PTPRT: variants seen among roughly 807,000 people sequenced by gnomAD.
PTPRT encodes protein tyrosine phosphatase receptor type T.
Under a neutral mutation model 176.8 loss-of-function variants are expected in PTPRT, and 56 were observed. The ratio of observed to expected loss-of-function variants is 0.32; its 90% CI spans 0.26 to 0.40. The LOEUF (loss-of-function observed/expected upper bound fraction) is 0.40. PTPRT is among the 10% of genes least tolerant of loss of function. The pLI is 1.00. For synonymous variants in PTPRT, 783 were observed against 739.0 expected, an observed-to-expected ratio of 1.06 and a Z score of -0.96; for missense variants, 1,540 against 1,908.2, an observed-to-expected ratio of 0.81 and a Z score of 3.60.
At chr20:42,384,919 C>T (rs187451151) in intron 9 of PTPRT, among the ~76,000 whole-genome samples, 7 of 152,276 alleles carry the variant, frequency 4.6e-5, no homozygotes, top group African/African-American at 1.7e-4. Context: ...TCTTTGCCCC[C>T]TTTCCAATCA....
At chr20:42,928,356 G>A (rs1433579321) in intron 1 of PTPRT, among the ~76,000 whole-genome samples, 1 of 152,234 alleles carries the variant, frequency 6.6e-6, no homozygotes, top group Non-Finnish European at 1.5e-5. Flanking sequence ...GGAGGACACA[G>A]TCCAGACAGG....
At chr20:42,062,114 T>C in the PTPRT span, among the ~76,000 whole-genome samples, 2 of 152,118 alleles carry the variant, frequency 1.3e-5, no homozygotes, top group Non-Finnish European at 2.9e-5. Flanking sequence ...GCCCCCAGGA[T>C]TGTTCTTCCT....
chr20:43,112,666 T>C (rs1304004296), intron 1 of PTPRT, among the ~76,000 whole-genome samples: 1 of 152,204 alleles, frequency 6.6e-6, no homozygotes, highest in African/African-American at 2.4e-5. Context: ...TTTGAATGAA[T>C]CTGCCCGGCT....
In PTPRT at chr20:42,074,955, G is replaced by T; in HGVS notation, c.*5924C>A. On this transcript the variant is annotated 3_prime_UTR_variant, in exon 31 of 31. Coordinates refer to ENST00000373187, the MANE Select transcript of PTPRT (RefSeq NM_007050.6). ...CTGTGCTTCGGAGGATCAGATCCATGATCCTGAAAAATGTGTCAGAAGAAA... is the reference window on the plus strand; with the variant it reads ...CTGTGCTTCGGAGGATCAGATCCATTATCCTGAAAAATGTGTCAGAAGAAA... 1 of 396,766 alleles carries T rather than the reference G, an allele frequency of 2.5e-6. No individual in the cohort carries two copies. Among genetic ancestry groups the T allele is most frequent in the South Asian group, 1.4e-4 (1 of 7,328 alleles). 24.6% of individuals were successfully genotyped at this position (396,766 alleles called of 1,614,324 possible).
intron 1 of PTPRT, among the ~76,000 whole-genome samples, chr20:42,996,398 C>G (rs1568724316): frequency 6.6e-6 from 1 of 152,088 alleles, no homozygotes; most frequent in Non-Finnish European, 1.5e-5. Flanking sequence ...TATGTGAACC[C>G]AAACATGGGG....
At position 42,950,321 on chromosome 20, in the gene PTPRT, G is replaced by A. The variant is rs548555498; in HGVS notation, c.89-64389C>T. On this transcript the variant is annotated intron_variant, in intron 1 of 30. Transcript: ENST00000373187. ...AAGGGAAATCGTACATTCTGTCAGC[G>A]TACAGAGATCAATCCTGTTCTTATA... Among the ~76,000 whole-genome samples the A allele has an allele frequency of 2.6e-4, 40 of 152,306 alleles. 1 individual carries two copies. The South Asian group carries it at 8.1e-3, about 31-fold the overall frequency.
At position 42,218,868 on chromosome 20, in the gene PTPRT, T is replaced by C. The variant is rs762661902; in HGVS notation, c.2342+17361A>G. ...AACTGATCGGGATGTCAAAATGTCA[T>C]TAAGGATAAATTAATGGATGTGTTA... On this transcript the variant is annotated intron_variant, in intron 15 of 30. Coordinates refer to ENST00000373187, the MANE Select transcript of PTPRT (RefSeq NM_007050.6). Among the ~76,000 whole-genome samples, 24 of 152,136 alleles carry C rather than the reference T, an allele frequency of 1.6e-4. 1 individual carries two copies. The highest frequency in any genetic ancestry group is 6.3e-3 in the Middle Eastern group (2 of 316).
intron 1 of PTPRT, among the ~76,000 whole-genome samples, chr20:42,927,865 T>G (rs1396360315): frequency 6.6e-6 from 1 of 152,208 alleles, no homozygotes; most frequent in Non-Finnish European, 1.5e-5. Context: ...TAGGTTGTAC[T>G]TAGACCACTA....
chr20:42,919,877 T>C (rs988035252), intron 1 of PTPRT, among the ~76,000 whole-genome samples: 2 of 152,326 alleles, frequency 1.3e-5, no homozygotes, highest in Admixed American at 1.3e-4. Context: ...ACATATTTTA[T>C]CATGGGTGCC....
At chr20:42,962,672 G>A (rs1201002685) in intron 1 of PTPRT, among the ~76,000 whole-genome samples, 2 of 152,174 alleles carry the variant, frequency 1.3e-5, no homozygotes, top group African/African-American at 2.4e-5. Flanking sequence ...TTCATTTATG[G>A]AAGAAGCAGA....
intron 16 of PTPRT, among the ~76,000 whole-genome samples, chr20:42,196,038 T>C (rs1991204957): frequency 6.6e-6 from 1 of 152,222 alleles, no homozygotes; most frequent in Admixed American, 6.5e-5. Flanking sequence ...CAGGTTTGCA[T>C]TTGAGATCAG....
chr20:42,511,997 C>T (rs1363875422), intron 7 of PTPRT, among the ~76,000 whole-genome samples: 3 of 152,042 alleles, frequency 2.0e-5, no homozygotes, highest in Non-Finnish European at 4.4e-5. Context: ...AGGTTCTATT[C>T]CTCCCTCTCC....
Position 42,437,692 on chromosome 20 carries a change from C to T in PTPRT, c.1560+10528G>A, listed in dbSNP as rs567308288. On this transcript the variant is annotated intron_variant, in intron 9 of 30. Coordinates refer to ENST00000373187, the MANE Select transcript of PTPRT (RefSeq NM_007050.6). Reference sequence around the variant, plus strand: ...GAAAAAGCAGTCAAAAGAAAAAATGCCCATTGACTTAAGGTGAGGGGAGAA... The same window carrying T: ...GAAAAAGCAGTCAAAAGAAAAAATGTCCATTGACTTAAGGTGAGGGGAGAA... Among the ~76,000 whole-genome samples, 232 of 152,152 alleles carry T rather than the reference C, an allele frequency of 1.5e-3. 1 individual carries two copies. In the Middle Eastern group the frequency reaches 0.017, roughly 11 times the overall value.
At chr20:43,021,416 T>A (rs769656218) in intron 1 of PTPRT, among the ~76,000 whole-genome samples, 1 of 152,102 alleles carries the variant, frequency 6.6e-6, no homozygotes, top group Non-Finnish European at 1.5e-5. Context: ...AACCTGATAA[T>A]TTTTGCCCAG....
At chr20:42,433,235 A>G (rs2059231287) in intron 9 of PTPRT, among the ~76,000 whole-genome samples, 1 of 152,168 alleles carries the variant, frequency 6.6e-6, no homozygotes, top group South Asian at 2.1e-4. Flanking sequence ...AACACAGTCC[A>G]CTAGGATTAC....
chr20:42,194,849 T>C (rs1466971719), intron 16 of PTPRT, among the ~76,000 whole-genome samples: 1 of 152,100 alleles, frequency 6.6e-6, no homozygotes, highest in Admixed American at 6.6e-5. Context: ...ATTGTTCCTA[T>C]ACAATATTAG....
At chr20:42,525,604 A>AC (rs1028823001) in intron 7 of PTPRT, among the ~76,000 whole-genome samples, 1 of 152,206 alleles carries the variant, frequency 6.6e-6, no homozygotes, top group African/African-American at 2.4e-5. Context: ...TTACAGAAGG[A>AC]TTTTTTTAGG....
chr20:42,255,440 G>GT (rs2056621718), intron 13 of PTPRT, among the ~76,000 whole-genome samples: 1 of 152,246 alleles, frequency 6.6e-6, no homozygotes, highest in Non-Finnish European at 1.5e-5. Flanking sequence ...TAGCACTAGG[G>GT]TTTTTTGTGT....
At chr20:42,084,000 A>G (rs368096306) in intron 29 of PTPRT, among the ~76,000 whole-genome samples, 4 of 152,216 alleles carry the variant, frequency 2.6e-5, no homozygotes, top group South Asian at 2.1e-4. Flanking sequence ...CTTGGTCTCT[A>G]TGTTGGCAGA....
Sources: allele counts gnomAD v4.1 joint callset (sites outside exome capture counted in the v4.1 genomes callset), GRCh38; gene constraint gnomAD v4.1.1; transcripts MANE v1.5; gene names NCBI Gene and HGNC (gene_info 2026-07-23, HGNC 2026-07-21).